WDR70: variants seen among roughly 807,000 people sequenced by gnomAD.
The protein encoded by WDR70 is WD repeat domain 70, also known as WD repeat-containing protein 70.
In WDR70, 53 loss-of-function variants were observed where a neutral mutation model predicts 88.6. The ratio of observed to expected loss-of-function variants is 0.60; its 90% CI spans 0.48 to 0.75. The LOEUF (loss-of-function observed/expected upper bound fraction) is 0.75, where lower values mean the gene tolerates loss of function less well. Among genes scored for constraint, WDR70 ranks in the 30% least tolerant of loss-of-function variants. The pLI, the probability that WDR70 is intolerant of heterozygous loss-of-function variation, is 0.00. For synonymous variants in WDR70, 280 were observed against 270.0 expected, an observed-to-expected ratio of 1.04 and a Z score of -0.36; for missense variants, 610 against 823.2, an observed-to-expected ratio of 0.74 and a Z score of 3.17.
At chr5:37,484,361 T>C (rs1444994171) in intron 8 of WDR70, among the ~76,000 whole-genome samples, 1 of 152,204 alleles carries the variant, frequency 6.6e-6, no homozygotes, top group Non-Finnish European at 1.5e-5. Flanking sequence ...GAGACCAGCC[T>C]GGCCAACACA....
chr5:37,739,649 TC>T (rs2074850409), intron 17 of WDR70, among the ~76,000 whole-genome samples: 1 of 152,060 alleles, frequency 6.6e-6, no homozygotes, highest in African/African-American at 2.4e-5. Context: ...TATTTCTTTT[TC>T]ATATATATAT....
intron 17 of WDR70, among the ~76,000 whole-genome samples, chr5:37,731,155 T>C (rs1011472069): frequency 2.6e-5 from 4 of 152,006 alleles, no homozygotes; most frequent in Non-Finnish European, 4.4e-5. Flanking sequence ...TTGGTGATGG[T>C]TGGAGGTAGG....
At chr5:37,513,614 A>G (rs1740789848) in intron 8 of WDR70, among the ~76,000 whole-genome samples, 1 of 152,242 alleles carries the variant, frequency 6.6e-6, no homozygotes, top group Non-Finnish European at 1.5e-5. Context: ...ACAAGGTCCC[A>G]CAATAGGCTG....
intron 10 of WDR70, among the ~76,000 whole-genome samples, chr5:37,679,199 A>T (rs1746340065): frequency 6.6e-6 from 1 of 152,044 alleles, no homozygotes; most frequent in Non-Finnish European, 1.5e-5. Flanking sequence ...AGCTCGTAGT[A>T]GTTTGATCGT....
intron 9 of WDR70, among the ~76,000 whole-genome samples, chr5:37,522,147 C>T (rs1380706486): frequency 6.6e-6 from 1 of 152,002 alleles, no homozygotes; most frequent in Non-Finnish European, 1.5e-5. Flanking sequence ...TTTCCATATG[C>T]TTTTTGGCCA....
intron 8 of WDR70, among the ~76,000 whole-genome samples, chr5:37,494,426 C>G (rs1309931708): frequency 1.3e-5 from 2 of 151,996 alleles, no homozygotes; most frequent in African/African-American, 4.8e-5. Flanking sequence ...TATTCAGGAG[C>G]CTAGGTATTT....
intron 17 of WDR70, among the ~76,000 whole-genome samples, chr5:37,728,365 A>AAAAC (rs1748050460): frequency 4.4e-5 from 1 of 22,610 alleles, no homozygotes; most frequent in African/African-American, 9.7e-5. Flanking sequence ...AAAAAAAAAC[A>AAAAC]AAAAAAAAAA....
intron 5 of WDR70, among the ~76,000 whole-genome samples, chr5:37,397,836 TAC>T (rs1749066241): frequency 6.6e-6 from 1 of 151,756 alleles, no homozygotes; most frequent in Non-Finnish European, 1.5e-5. Context: ...CTACTAAAAA[TAC>T]AAAAATTAGC....
At chr5:37,730,662 T>C (rs1182120282) in intron 17 of WDR70, among the ~76,000 whole-genome samples, 1 of 152,186 alleles carries the variant, frequency 6.6e-6, no homozygotes, top group Non-Finnish European at 1.5e-5. Flanking sequence ...TGAATAGACT[T>C]ACAGACGTGT....
intron 7 of WDR70, among the ~76,000 whole-genome samples, chr5:37,444,594 C>T (rs1239130230): frequency 6.6e-6 from 1 of 152,066 alleles, no homozygotes; most frequent in Admixed American, 6.6e-5. Context: ...CCACCTGCCT[C>T]GTCTTCCCAA....
At chr5:37,523,636 C>T (rs2112281473) in intron 9 of WDR70, among the ~76,000 whole-genome samples, 1 of 152,324 alleles carries the variant, frequency 6.6e-6, no homozygotes. Flanking sequence ...TGGAGAATGA[C>T]TTAGACGAGT....
At chr5:37,678,777 C>T (rs1427321621) in intron 10 of WDR70, among the ~76,000 whole-genome samples, 1 of 152,184 alleles carries the variant, frequency 6.6e-6, no homozygotes. Context: ...GAATGTTAGC[C>T]TGCCTTGCTA....
chr5:37,551,986 G>A (rs1291017878), intron 9 of WDR70, among the ~76,000 whole-genome samples: 1 of 151,882 alleles, frequency 6.6e-6, no homozygotes, highest in African/African-American at 2.4e-5. Context: ...TGGCCAGGCT[G>A]GTTTCGAACT....
rs182111861 is a variant in WDR70 at position 37,554,830 on chromosome 5, T to C, written c.917+38240T>C. 8.5e-5 allele frequency among the ~76,000 whole-genome samples: 13 copies of C among 152,164 alleles called. No individual in the cohort carries two copies. In the East Asian group the frequency reaches 2.3e-3, roughly 27 times the overall value. ...TACATGACCCTCCTGCCTCAGCCTC[T>C]CGAGTATTGGGACTACAGTTATGTG... On this transcript the variant is annotated intron_variant, in intron 9 of 17. Coordinates refer to ENST00000265107, the MANE Select transcript of WDR70 (RefSeq NM_018034.4).
At chr5:37,616,507 C>A (rs1003681566) in intron 10 of WDR70, among the ~76,000 whole-genome samples, 21 of 152,240 alleles carry the variant, frequency 1.4e-4, no homozygotes, top group South Asian at 1.2e-3. Context: ...CTAAACACTC[C>A]ACCCTATATG....
At chr5:37,428,706 G>A (rs1360026834) in intron 5 of WDR70, among the ~76,000 whole-genome samples, 2 of 152,116 alleles carry the variant, frequency 1.3e-5, no homozygotes, top group Non-Finnish European at 2.9e-5. Context: ...TGGCTATTCT[G>A]TATAAAGCTA....
chr5:37,627,331 A>G (rs1744696768), intron 10 of WDR70, among the ~76,000 whole-genome samples: 1 of 152,092 alleles, frequency 6.6e-6, no homozygotes, highest in South Asian at 2.1e-4. Flanking sequence ...TAGTTCTCAA[A>G]CGTGTGGGCT....
In WDR70 at chr5:37,648,761, A is replaced by G. The variant is rs1745313099; in HGVS notation, c.1092+43523A>G. Among the ~76,000 whole-genome samples, 4 of 152,304 alleles carry G rather than the reference A, an allele frequency of 2.6e-5. No homozygotes were observed. The South Asian group carries it at 8.3e-4, about 32-fold the overall frequency. On this transcript the variant is annotated intron_variant, in intron 10 of 17. Coordinates refer to ENST00000265107, the MANE Select transcript of WDR70 (RefSeq NM_018034.4). ...AAAATAAGTTTGTCTTCTTTAAGGA[A>G]GGAAAAGTAAATTGAGTTTTCAAAT...
chr5:37,521,513 C>T (rs1741085890), intron 9 of WDR70, among the ~76,000 whole-genome samples: 1 of 152,122 alleles, frequency 6.6e-6, no homozygotes, highest in Admixed American at 6.5e-5. Flanking sequence ...CCCAAGTCCC[C>T]AAAGTCCAAT....
Sources: gnomAD v4.1 joint callset for allele counts (sites outside exome capture counted in the v4.1 genomes callset) on GRCh38, gnomAD v4.1.1 for gene constraint, MANE v1.5 for transcripts, NCBI Gene and HGNC (gene_info 2026-07-23, HGNC 2026-07-21) for gene names.